Variants in DSG4 observed in about 807,000 individuals in gnomAD.
The protein encoded by DSG4 is desmoglein 4.
In DSG4, 87 loss-of-function variants were observed where a neutral mutation model predicts 93.1. That is an observed-to-expected ratio of 0.93 (90% CI 0.79 to 1.12). DSG4 has a LOEUF of 1.12. DSG4 is among the 50% of genes most tolerant of loss of function. The probability of loss-of-function intolerance (pLI) is 0.00; values close to 1 mark genes in which losing one functional copy is unlikely to be tolerated. For missense variants in DSG4, 1,373 were observed against 1,285.7 expected, an observed-to-expected ratio of 1.07 and a Z score of -1.04; for synonymous variants, 432 against 452.9, an observed-to-expected ratio of 0.95 and a Z score of 0.59.
At chr18:31,405,963 A>G in intron 11 of DSG4, 114 bp from the exon 12 acceptor site, 1 of 1,140,986 alleles carries the variant, frequency 8.8e-7, no homozygotes. Context: ...ATGACTAAGA[A>G]AGCATGAAAA....
chr18:31,378,486 A>G (rs1044690957), intron 1 of DSG4, among the ~76,000 whole-genome samples: 1 of 152,182 alleles, frequency 6.6e-6, no homozygotes, highest in Admixed American at 6.6e-5. Flanking sequence ...ATGATTTATG[A>G]TAATATTATT....
In DSG4 at chr18:31,399,390, A is replaced by G; in HGVS notation, c.1124A>G (p.Gln375Arg). ...ATGCACCCAACCCCTGTGAGAATTC[A>G]AGTTGTTGATGTGAGAGAAGGACCT... is the stretch of plus-strand genomic sequence containing the variant. ...FQMHPTPVRI[Q>R]VVDVREGPAF... is the part of the protein sequence containing the mutation. Residue 375 changes from glutamine (Q) to arginine (R), a missense_variant, in exon 9 of 16, where the codon CAA (glutamine) becomes CGA (arginine). Gln to Arg is a conservative substitution (Grantham distance 43, BLOSUM62 1). Transcript: ENST00000308128. 5 of 1,614,106 alleles carry G rather than the reference A, an allele frequency of 3.1e-6. No homozygotes were observed. Among genetic ancestry groups the G allele is most frequent in the Non-Finnish European group, 4.2e-6 (5 of 1,179,980 alleles).
intron 12 of DSG4, among the ~76,000 whole-genome samples, chr18:31,407,463 C>T (rs982309003): frequency 6.6e-6 from 1 of 150,878 alleles, no homozygotes; most frequent in African/African-American, 2.4e-5. Flanking sequence ...CTCCTTTCCC[C>T]ATAGAGTTTT....
intron 5 of DSG4, 45 bp from the exon 6 acceptor site, chr18:31,390,611 A>G (rs376091646): frequency 6.2e-7 from 1 of 1,609,840 alleles, no homozygotes; most frequent in Non-Finnish European, 8.5e-7. Context: ...TGCTGAATTT[A>G]TTCTAAGAGT....
At chr18:31,384,705 G>A (rs3859362) in intron 1 of DSG4, among the ~76,000 whole-genome samples, 123,046 of 152,136 alleles carry the variant, frequency 0.81, 50,127 homozygotes, top group East Asian at 0.95. Flanking sequence ...ATTATTGACC[G>A]TTTCTGGAAC....
intron 8 of DSG4, among the ~76,000 whole-genome samples, chr18:31,397,342 G>C (rs2072316923): frequency 6.6e-6 from 1 of 152,052 alleles, no homozygotes; most frequent in South Asian, 2.1e-4. Flanking sequence ...TTCCTCATTT[G>C]TTCCTTAAAC....
Position 31,376,889 on chromosome 18 carries a change from G to C in DSG4, c.-23G>C, listed in dbSNP as rs143431088. On this transcript the variant is annotated 5_prime_UTR_variant, in exon 1 of 16. Transcript: ENST00000308128. ...GCTCAAATTGAATCTCACAGGATTT[G>C]CGTGCAAGAGAAACCCAAAGGAATG... is the stretch of plus-strand genomic sequence containing the variant. The C allele has an allele frequency of 6.2e-7, 1 of 1,613,516 alleles. No homozygotes were observed. The highest frequency in any genetic ancestry group is 2.2e-5 in the East Asian group (1 of 44,840).
rs185046353 is a variant in DSG4, at chr18:31,405,329, T to A, written c.1637-748T>A. On this transcript the variant is annotated intron_variant, in intron 11 of 15. Transcript: ENST00000308128. ...ATTTTAAATGAAAGGGCAACAATTT[T>A]GAGTAAGATACATATAAACAGTCTT... Among the ~76,000 whole-genome samples, 382 of 152,336 alleles carry A rather than the reference T, an allele frequency of 2.5e-3. 1 individual carries two copies. The highest frequency in any genetic ancestry group is 0.01 in the Middle Eastern group (3 of 294).
chr18:31,391,051 C>A (rs755680547), intron 6 of DSG4, 27 bp from the exon 7 acceptor site: 7 of 1,612,886 alleles, frequency 4.3e-6, no homozygotes, highest in Non-Finnish European at 5.9e-6. Context: ...AAACCTAAGT[C>A]TTACGTTCTT....
chr18:31,413,018 A>G lies in DSG4; in HGVS notation c.2546A>G (p.Asn849Ser), dbSNP rs1352666855. The stretch of plus-strand genomic sequence containing the variant: ...AGGACTCTTGCTGAGATCTGCTTAA[A>G]CACAGAAATTGAACCATTTCCTTCA... ...KFRTLAEICL[N>S]TEIEPFPSHQ... Residue 849 changes from asparagine (N) to serine (S), a missense_variant, in exon 16 of 16, where the codon AAC (asparagine) becomes AGC (serine). Coordinates refer to ENST00000308128, the MANE Select transcript of DSG4 (RefSeq NM_177986.5). 2.5e-6 allele frequency: 4 copies of G among 1,614,078 alleles called. No homozygotes were observed. In the Admixed American group the frequency reaches 5.0e-5, roughly 20 times the overall value.
At chr18:31,392,037 A>G (rs1206439516) in intron 7 of DSG4, 118 bp from the exon 8 acceptor site, 3 of 926,118 alleles carry the variant, frequency 3.2e-6, no homozygotes, top group Non-Finnish European at 5.0e-6. Flanking sequence ...GCATTTAATA[A>G]TGGTGCAAAA....
rs2144150362 is a variant in DSG4 at position 31,376,879 on chromosome 18, C to T, written c.-33C>T. The T allele has an allele frequency of 6.2e-7, 1 of 1,613,166 alleles. No homozygotes were observed. Among genetic ancestry groups the T allele is most frequent in the East Asian group, 2.2e-5 (1 of 44,820 alleles). The stretch of plus-strand genomic sequence containing the variant: ...GAAGACGAGGGCTCAAATTGAATCT[C>T]ACAGGATTTGCGTGCAAGAGAAACC... On this transcript the variant is annotated 5_prime_UTR_variant, in exon 1 of 16. Transcript: ENST00000308128.
intron 7 of DSG4, 74 bp downstream of exon 7, chr18:31,391,286 A>C: frequency 1.3e-6 from 2 of 1,592,118 alleles, no homozygotes; most frequent in Non-Finnish European, 1.7e-6. Flanking sequence ...ATAATCAATC[A>C]TGCTGGCTCA....
intron 15 of DSG4, 134 bp from the exon 16 acceptor site, chr18:31,412,694 A>T: frequency 1.1e-6 from 1 of 882,150 alleles, no homozygotes; most frequent in Non-Finnish European, 1.7e-6. Flanking sequence ...CAATTATTTT[A>T]ATGAGTGATT....
In DSG4 at chr18:31,382,770, A is replaced by G. The variant is rs142201102; in HGVS notation, c.49-2366A>G. ...AGCAGGGAGCAGAAATACCACAAAT[A>G]TACTATGGAAGCCTCCATCAGCACA... is the stretch of plus-strand genomic sequence containing the variant. On this transcript the variant is annotated intron_variant, in intron 1 of 15. Transcript: ENST00000308128. 2.3e-4 allele frequency among the ~76,000 whole-genome samples: 35 copies of G among 152,296 alleles called. 1 individual carries two copies. The South Asian group carries it at 5.6e-3, about 24-fold the overall frequency.
At chr18:31,398,042 A>C (rs980395667) in intron 8 of DSG4, among the ~76,000 whole-genome samples, 2 of 151,524 alleles carry the variant, frequency 1.3e-5, no homozygotes, top group African/African-American at 2.4e-5. Flanking sequence ...AAAAAAAAAA[A>C]AAAAAAACTT....
At chr18:31,404,474 G>A (rs1477761229) in intron 11 of DSG4, among the ~76,000 whole-genome samples, 2 of 152,154 alleles carry the variant, frequency 1.3e-5, no homozygotes, top group Non-Finnish European at 2.9e-5. Context: ...TATGGGCTAA[G>A]ATAGCTCCCC....
rs370025631 is a variant in DSG4 at position 31,381,053 on chromosome 18, G to A, written c.49-4083G>A. On this transcript the variant is annotated intron_variant, in intron 1 of 15. Coordinates refer to ENST00000308128, the MANE Select transcript of DSG4 (RefSeq NM_177986.5). ...TGGAATACATACATTATTACAGGTCGAAACTTGTCTTGCACATAGAGAACA... is the reference window on the plus strand; with the variant it reads ...TGGAATACATACATTATTACAGGTCAAAACTTGTCTTGCACATAGAGAACA... Among the ~76,000 whole-genome samples the A allele has an allele frequency of 3.2e-4, 49 of 152,246 alleles. 1 individual carries two copies. In the South Asian group the frequency reaches 8.3e-3, roughly 26 times the overall value.
intron 12 of DSG4, among the ~76,000 whole-genome samples, chr18:31,408,426 T>C (rs1303930602): frequency 2.6e-5 from 4 of 152,246 alleles, no homozygotes; most frequent in Non-Finnish European, 5.9e-5. Flanking sequence ...GAAAATGCTA[T>C]GGAAATGTAT....
Sources: gnomAD v4.1 joint callset for allele counts (sites outside exome capture counted in the v4.1 genomes callset) on GRCh38, gnomAD v4.1.1 for gene constraint, MANE v1.5 for transcripts, NCBI Gene and HGNC (gene_info 2026-07-23, HGNC 2026-07-21) for gene names.